Variants in STK17A observed in about 807,000 individuals in gnomAD.
The protein encoded by STK17A is serine/threonine-protein kinase 17A.
In STK17A, 26 loss-of-function variants were observed where a neutral mutation model predicts 43.7. The observed-to-expected ratio is 0.60, with a 90% CI of 0.44 to 0.83. The LOEUF is 0.83. Among genes scored for constraint, STK17A ranks in the 40% least tolerant of loss-of-function variants. The pLI is 0.00. For missense variants in STK17A, 476 were observed against 511.6 expected, an observed-to-expected ratio of 0.93 and a Z score of 0.67; for synonymous variants, 191 against 182.5, an observed-to-expected ratio of 1.05 and a Z score of -0.38.
chr7:43,584,183 G>A (rs774723443), intron 1 of STK17A, among the ~76,000 whole-genome samples: 1 of 152,108 alleles, frequency 6.6e-6, no homozygotes, highest in Non-Finnish European at 1.5e-5. Context: ...GGTGCAGGCT[G>A]TTCGGATGCT....
At chr7:43,608,440 A>G (rs1273970160) in intron 3 of STK17A, 40 bp downstream of exon 3, 20 of 1,572,038 alleles carry the variant, frequency 1.3e-5, no homozygotes, top group Non-Finnish European at 1.6e-5. Flanking sequence ...CTAAAGAATG[A>G]CATTCAAGAC....
At position 43,583,429 on chromosome 7, in the gene STK17A, C is replaced by G; in HGVS notation, c.186C>G (p.Cys62Trp). 7.3e-7 allele frequency: 1 copy of G among 1,379,042 alleles called. No individual in the cohort carries two copies. The highest frequency in any genetic ancestry group is 9.4e-7 in the Non-Finnish European group (1 of 1,066,774). 85.4% of individuals were successfully genotyped at this position (1,379,042 alleles called of 1,614,324 possible). A position where few individuals can be genotyped will look rare whatever the true frequency, so the allele number is the denominator to read the frequency against. Residue 62 changes from cysteine (C) to tryptophan (W), a missense_variant, in exon 1 of 7, where the codon TGC (cysteine) becomes TGG (tryptophan). Physicochemically the swap from Cys to Trp is radical, Grantham distance 215. Around this residue, in one of 3 missense-constraint regions of STK17A, gnomAD observed 320 missense variants for 326.3 expected, o/e 0.98. Transcript: ENST00000319357. ...TEPFQDGYSL[C>W]PGRELGRGKF... The stretch of plus-strand genomic sequence containing the variant: ...CCTTCCAGGACGGCTACAGCCTGTG[C>G]CCGGGCCGGGAGCTGGGCAGGTGAG...
intron 3 of STK17A, among the ~76,000 whole-genome samples, chr7:43,616,930 T>C (rs939941011): frequency 6.6e-6 from 1 of 152,142 alleles, no homozygotes; most frequent in African/African-American, 2.4e-5. Flanking sequence ...CTCAATTTCG[T>C]TTTTCATATT....
At chr7:43,604,911 C>T (rs1364791371) in intron 2 of STK17A, among the ~76,000 whole-genome samples, 1 of 152,144 alleles carries the variant, frequency 6.6e-6, no homozygotes, top group Non-Finnish European at 1.5e-5. Flanking sequence ...CCATTGACAG[C>T]TTATTTTGCT....
chr7:43,600,909 A>G (rs1192595124), intron 2 of STK17A, among the ~76,000 whole-genome samples: 1 of 152,166 alleles, frequency 6.6e-6, no homozygotes, highest in Admixed American at 6.5e-5. Context: ...TTTTTTCACA[A>G]GGAAATATTA....
intron 3 of STK17A, among the ~76,000 whole-genome samples, chr7:43,612,735 T>A (rs1307268239): frequency 6.6e-6 from 1 of 151,984 alleles, no homozygotes; most frequent in African/African-American, 2.4e-5. Flanking sequence ...AGAGCCTGAA[T>A]GATCAATTTG....
intron 2 of STK17A, among the ~76,000 whole-genome samples, chr7:43,604,042 A>C (rs1563146828): frequency 6.6e-6 from 1 of 152,214 alleles, no homozygotes; most frequent in Non-Finnish European, 1.5e-5. Flanking sequence ...TTGATGATTT[A>C]CTAGGAGTTC....
At chr7:43,621,811 A>G (rs866873853) in intron 4 of STK17A, among the ~76,000 whole-genome samples, 1 of 152,226 alleles carries the variant, frequency 6.6e-6, no homozygotes, top group Non-Finnish European at 1.5e-5. Flanking sequence ...ACTAAAAATG[A>G]TTCAAAAGTA....
rs1159500250 is a variant in STK17A, at chr7:43,595,898, T to C, written c.207-3T>C. 1.9e-6 allele frequency: 3 copies of C among 1,612,316 alleles called. No individual in the cohort carries two copies. The African/African-American group carries it at 4.0e-5, about 22-fold the overall frequency. ...AACAGTGAATGTTTTTGTTTAATTCTAGGGGGAAATTTGCAGTGGTGAGAA... is the reference window on the plus strand; with the variant it reads ...AACAGTGAATGTTTTTGTTTAATTCCAGGGGGAAATTTGCAGTGGTGAGAA... On this transcript the variant is annotated splice_polypyrimidine_tract_variant and splice_region_variant and intron_variant, in intron 1 of 6. Coordinates refer to ENST00000319357, the MANE Select transcript of STK17A (RefSeq NM_004760.3).
intron 4 of STK17A, chr7:43,623,310 T>C (rs1010075654): frequency 5.2e-6 from 2 of 385,080 alleles, no homozygotes; most frequent in Non-Finnish European, 9.3e-6. Context: ...CAGTTTATGT[T>C]TGGTGTTTTT....
At chr7:43,593,115 G>T (rs893434111) in intron 1 of STK17A, among the ~76,000 whole-genome samples, 12 of 152,112 alleles carry the variant, frequency 7.9e-5, no homozygotes, top group African/African-American at 2.7e-4. Flanking sequence ...TCCACTCTAT[G>T]CCTGTGTATC....
Position 43,583,389 on chromosome 7 carries a change from T to C in STK17A, c.146T>C (p.Val49Ala). 4 of 1,445,584 alleles carry C rather than the reference T, an allele frequency of 2.8e-6. No homozygotes were observed. In the South Asian group the frequency reaches 5.6e-5, roughly 20 times the overall value. 89.5% of individuals were successfully genotyped at this position (1,445,584 alleles called of 1,614,324 possible). A position where few individuals can be genotyped will look rare whatever the true frequency, so the allele number is the denominator to read the frequency against. The change falls in exon 1 of 7, where the codon GTG becomes GCG. Residue 49 changes from valine to alanine, a missense_variant. By Grantham distance (64) the Val-to-Ala change is moderately conservative. Coordinates refer to ENST00000319357, the MANE Select transcript of STK17A (RefSeq NM_004760.3). The part of the protein sequence containing the change: ...ARGLLTEIRA[V>A]VRTEPFQDGY... Reference sequence around the variant, plus strand: ...GGGCTGCTGACAGAGATACGCGCCGTGGTGCGCACCGAGCCCTTCCAGGAC... The same window carrying C: ...GGGCTGCTGACAGAGATACGCGCCGCGGTGCGCACCGAGCCCTTCCAGGAC...
Position 43,626,870 on chromosome 7 carries a change from A to G in STK17A, c.*2028A>G, listed in dbSNP as rs1372086227. ...TATCTTTAGCTGCTGTTGTGCTTAA[A>G]TACTGAGTCATAGGGTGCTTTTTTA... On this transcript the variant is annotated 3_prime_UTR_variant, in exon 7 of 7. Transcript: ENST00000319357. 1 of 152,224 alleles carries G rather than the reference A, an allele frequency of 6.6e-6. No homozygotes were observed. The highest frequency in any genetic ancestry group is 1.5e-5 in the Non-Finnish European group (1 of 68,036). 9.4% of individuals were successfully genotyped at this position (152,224 alleles called of 1,614,324 possible). A position where few individuals can be genotyped will look rare whatever the true frequency, so the allele number is the denominator to read the frequency against.
intron 1 of STK17A, among the ~76,000 whole-genome samples, chr7:43,589,843 A>C (rs2082466848): frequency 6.6e-6 from 1 of 150,804 alleles, no homozygotes; most frequent in African/African-American, 2.4e-5. Context: ...TCTAGTTATC[A>C]CTGGCAATCC....
At chr7:43,614,755 G>C (rs2083193281) in intron 3 of STK17A, among the ~76,000 whole-genome samples, 1 of 152,154 alleles carries the variant, frequency 6.6e-6, no homozygotes, top group African/African-American at 2.4e-5. Context: ...TCACATTGGT[G>C]TATCATAGAT....
At chr7:43,610,698 A>AG (rs1206552009) in intron 3 of STK17A, among the ~76,000 whole-genome samples, 1 of 152,134 alleles carries the variant, frequency 6.6e-6, no homozygotes, top group Non-Finnish European at 1.5e-5. Flanking sequence ...CACATTCCGT[A>AG]ATACCTTTGT....
chr7:43,590,739 A>G (rs983425599), intron 1 of STK17A, among the ~76,000 whole-genome samples: 1 of 151,506 alleles, frequency 6.6e-6, no homozygotes, highest in Admixed American at 6.6e-5. Context: ...AGAGAGCTGT[A>G]TATAACCATG....
intron 1 of STK17A, among the ~76,000 whole-genome samples, chr7:43,595,143 A>G (rs1421799985): frequency 6.6e-6 from 1 of 152,172 alleles, no homozygotes; most frequent in East Asian, 1.9e-4. Context: ...CGCTCTAGTT[A>G]AAATGATAAA....
intron 2 of STK17A, among the ~76,000 whole-genome samples, chr7:43,606,870 G>A (rs2082596029): frequency 6.7e-6 from 1 of 148,528 alleles, no homozygotes; most frequent in African/African-American, 2.5e-5. Context: ...TTTTTGAGAG[G>A]AATGAATGTC....
Sources: gnomAD v4.1 joint callset for allele counts (sites outside exome capture counted in the v4.1 genomes callset) on GRCh38, gnomAD v4.1.1 for gene constraint, gnomAD v4.1.1 regional missense constraint, MANE v1.5 for transcripts, NCBI Gene and HGNC (gene_info 2026-07-23, HGNC 2026-07-21) for gene names.